APBB1: variants seen among roughly 807,000 people sequenced by gnomAD.
The protein encoded by APBB1 is amyloid beta precursor protein binding family B member 1, also known as adaptor protein FE65a2.
A neutral mutation model predicts 78.4 loss-of-function variants in APBB1; 22 were observed. That is an observed-to-expected ratio of 0.28 (90% CI 0.20 to 0.40). APBB1 has a LOEUF of 0.40. Among genes scored for constraint, APBB1 ranks in the 10% least tolerant of loss-of-function variants. The probability of loss-of-function intolerance (pLI) is 1.00; values close to 1 mark genes in which losing one functional copy is unlikely to be tolerated. For synonymous variants in APBB1, 369 were observed against 372.7 expected (o/e 0.99, Z 0.12); for missense variants, 749 against 932.4 (o/e 0.80, Z 2.56).
At chr11:6,400,903 G>T in intron 12 of APBB1, 86 bp downstream of exon 12, 1 of 1,241,152 alleles carries the variant, frequency 8.1e-7, no homozygotes, top group Middle Eastern at 1.9e-4. Flanking sequence ...AGGAAGGTCT[G>T]GTAGAAGAAG....
intron 1 of APBB1, among the ~76,000 whole-genome samples, chr11:6,412,534 G>A (rs1223507153): frequency 2.6e-5 from 4 of 152,074 alleles, no homozygotes; most frequent in Admixed American, 2.0e-4. Context: ...GGCTACCTCC[G>A]CCCCTCCTCA....
chr11:6,401,104 G>A lies in APBB1; in HGVS notation c.1589-32C>T, dbSNP rs775551746. Reference sequence around the variant, plus strand: ...GAAAGAAGAGAAGGTTGATCATGGTGGCAGACCTTGCTCACCCGCAGCCCC... The same window carrying A: ...GAAAGAAGAGAAGGTTGATCATGGTAGCAGACCTTGCTCACCCGCAGCCCC... On this transcript the variant is annotated intron_variant, in intron 11 of 14. Coordinates refer to ENST00000609360, the MANE Select transcript of APBB1 (RefSeq NM_001164.5). This position sits in a 1 kb window ranked among gnomAD's most constrained non-coding sequence, Gnocchi z 4.5. The A allele has an allele frequency of 1.2e-6, 2 of 1,614,092 alleles. No individual in the cohort carries two copies. The highest frequency in any genetic ancestry group is 4.5e-5 in the East Asian group (2 of 44,876).
At chr11:6,415,966 C>G in intron 1 of APBB1, among the ~76,000 whole-genome samples, 1 of 152,168 alleles carries the variant, frequency 6.6e-6, no homozygotes, top group Non-Finnish European at 1.5e-5. Context: ...AGAGAGTTGT[C>G]TCCACTCACT....
rs1848170924 is a variant in APBB1, at chr11:6,395,644, CTGGGAGGCAGGAGGTGG to C, written c.2006_2022del (p.Ser669CysfsTer5). 6.3e-7 allele frequency: 1 copy of C among 1,595,172 alleles called. No individual in the cohort carries two copies. Among genetic ancestry groups the C allele is most frequent in the South Asian group, 1.1e-5 (1 of 88,444 alleles). On this transcript the variant is annotated frameshift_variant, in exon 15 of 15. Transcript: ENST00000609360. LOFTEE classifies it high-confidence loss of function. This position sits in a 1 kb window ranked among gnomAD's most constrained non-coding sequence, Gnocchi z 5.2. ...CGTGCCACAGACTCAGCAGGGGGTG[CTGGGAGGCAGGAGGTGG>C]AGGCCTGGGAACGGGCATCCAGACA...
rs747475317 is a variant in APBB1 at position 6,401,840 on chromosome 11, G to A, written c.1388+137C>T. On this transcript the variant is annotated intron_variant, in intron 9 of 14. Transcript: ENST00000609360. The surrounding 1 kb of genome is among the most constrained non-coding windows in gnomAD (Gnocchi z 4.5). ...TAGGTGCTGCCTTCTTGGGGGGGAG[G>A]GGTAGACAGGCAAGCATGCTGAGGT... 1.1e-5 allele frequency: 16 copies of A among 1,424,966 alleles called. No individual in the cohort carries two copies. The highest frequency in any genetic ancestry group is 9.8e-5 in the African/African-American group (7 of 71,080). The allele number at this position is 1,424,966 out of a possible 1,614,324, so 88.3% of individuals were successfully genotyped here. A position where few individuals can be genotyped will look rare whatever the true frequency, so the allele number is the denominator to read the frequency against.
Position 6,403,339 on chromosome 11 carries a change from G to A in APBB1, c.1020C>T (p.Thr340=). 1 of 1,614,134 alleles carries A rather than the reference G, an allele frequency of 6.2e-7. No individual in the cohort carries two copies. Among genetic ancestry groups the A allele is most frequent in the Non-Finnish European group, 8.5e-7 (1 of 1,180,008 alleles). ...GLKEPEEGTL[T]FPAQSLSPEP... The stretch of plus-strand genomic sequence containing the variant: ...CTCACCTGAGGCTCTGAGCTGGGAA[G>A]GTCAACGTCCCCTCCTCAGGTTCCT... The change falls in exon 5 of 15, where the codon ACC becomes ACT. Residue 340 remains threonine (T), a synonymous_variant. Transcript: ENST00000609360. This position sits in a 1 kb window ranked among gnomAD's most constrained non-coding sequence, Gnocchi z 5.3.
At chr11:6,409,536 A>T (rs1441502004) in intron 2 of APBB1, among the ~76,000 whole-genome samples, 1 of 152,076 alleles carries the variant, frequency 6.6e-6, no homozygotes, top group African/African-American at 2.4e-5. Context: ...ATTTTTGTGT[A>T]TGTTTGAAAA....
chr11:6,401,161 G>T lies in APBB1; in HGVS notation c.1589-89C>A. On this transcript the variant is annotated intron_variant, in intron 11 of 14. Transcript: ENST00000609360. The surrounding 1 kb of genome is among the most constrained non-coding windows in gnomAD (Gnocchi z 4.5). ...AGGGCATAAGCTGGACACTTGCCCA[G>T]CCGAGGCCCTACTTTCATCTCGTCC... 6.2e-7 allele frequency: 1 copy of T among 1,613,252 alleles called. No individual in the cohort carries two copies. Among genetic ancestry groups the T allele is most frequent in the Non-Finnish European group, 8.5e-7 (1 of 1,179,566 alleles).
rs1238488976 is a variant in APBB1 at position 6,406,361 on chromosome 11, C to G, written c.722-2539G>C. Among the ~76,000 whole-genome samples, 2 of 152,130 alleles carry G rather than the reference C, an allele frequency of 1.3e-5. 1 individual carries two copies. The highest frequency in any genetic ancestry group is 1.3e-4 in the Admixed American group (2 of 15,276). ...ACTTAAAGCTTTCCCCTTCTCTCCA[C>G]CCCACATAACTAACATAGCCCAGGC... On this transcript the variant is annotated intron_variant, in intron 2 of 14. Coordinates refer to ENST00000609360, the MANE Select transcript of APBB1 (RefSeq NM_001164.5).
intron 2 of APBB1, 76 bp downstream of exon 2, chr11:6,410,551 C>T: frequency 7.5e-7 from 1 of 1,332,702 alleles, no homozygotes. Context: ...ATCAGGCTGG[C>T]ACTGGCCTCT....
Position 6,398,837 on chromosome 11 carries a change from G to A in APBB1, c.1672+2152C>T, listed in dbSNP as rs74767254. 3.6e-3 allele frequency among the ~76,000 whole-genome samples: 551 copies of A among 152,324 alleles called. 3 individuals are homozygous for A. The highest frequency in any genetic ancestry group is 0.012 in the African/African-American group (518 of 41,594). ...CCTCTTTCAATGTAAGATTTTGGAC[G>A]TGAAAGTCAGCACGGTATAAGGGAA... On this transcript the variant is annotated intron_variant, in intron 12 of 14. Coordinates refer to ENST00000609360, the MANE Select transcript of APBB1 (RefSeq NM_001164.5).
chr11:6,412,308 A>C (rs748489448), intron 1 of APBB1, among the ~76,000 whole-genome samples: 5 of 152,158 alleles, frequency 3.3e-5, no homozygotes, highest in Admixed American at 6.5e-5. Flanking sequence ...GCCCACCACC[A>C]CGCCCAGGTA....
At chr11:6,413,645 C>A (rs1028456323) in intron 1 of APBB1, among the ~76,000 whole-genome samples, 1 of 145,772 alleles carries the variant, frequency 6.9e-6, no homozygotes, top group Non-Finnish European at 1.5e-5. Flanking sequence ...TTTTTTTTTT[C>A]TTTTAAGTAG....
At position 6,410,688 on chromosome 11, in the gene APBB1, C is replaced by T; in HGVS notation, c.660G>A (p.Glu220=). The T allele has an allele frequency of 1.3e-6, 2 of 1,527,066 alleles. No homozygotes were observed. Among genetic ancestry groups the T allele is most frequent in the Non-Finnish European group, 1.8e-6 (2 of 1,137,846 alleles). The allele number at this position is 1,527,066 out of a possible 1,614,324, so 94.6% of individuals were successfully genotyped here. ...FGMRNSAASD[E]DSSWATLSQG... is the part of the protein sequence containing the mutation. The stretch of plus-strand genomic sequence containing the variant: ...GGGATAAGGTAGCCCAGCTTGAGTC[C>T]TCATCACTGGCTGCACTGTTCCGCA... Residue 220 remains glutamate (E), a synonymous_variant, in exon 2 of 15, where the codon GAG becomes GAA. Transcript: ENST00000609360.
chr11:6,409,071 CTGT>C (rs569817807), intron 2 of APBB1, among the ~76,000 whole-genome samples: 53 of 151,178 alleles, frequency 3.5e-4, no homozygotes, highest in African/African-American at 1.1e-3. Context: ...CAAAAGTAAA[CTGT>C]TGTTGTTGTT....
Position 6,402,549 on chromosome 11 carries a change from C to G in APBB1, c.1254+27G>C, listed in dbSNP as rs763680563. 6 of 1,608,678 alleles carry G rather than the reference C, an allele frequency of 3.7e-6. No homozygotes were observed. In the East Asian group the frequency reaches 1.3e-4, roughly 36 times the overall value. On this transcript the variant is annotated intron_variant, in intron 7 of 14. Coordinates refer to ENST00000609360, the MANE Select transcript of APBB1 (RefSeq NM_001164.5). The stretch of plus-strand genomic sequence containing the variant: ...TTCCCTTCACACTCTCACAGTACCA[C>G]CCCCTACCCCCGGCTCAGGTCCTTA...
intron 2 of APBB1, chr11:6,404,111 G>A: frequency 5.0e-6 from 2 of 401,944 alleles, no homozygotes; most frequent in Admixed American, 4.0e-5. Flanking sequence ...AATGAATGTT[G>A]GGTGACCCCA....
intron 2 of APBB1, among the ~76,000 whole-genome samples, chr11:6,408,001 G>A (rs1002300651): frequency 1.3e-5 from 2 of 151,640 alleles, no homozygotes; most frequent in African/African-American, 2.4e-5. Flanking sequence ...GTATGGTCTC[G>A]ATCTCCTGAC....
At chr11:6,400,634 G>T (rs1194775577) in intron 12 of APBB1, among the ~76,000 whole-genome samples, 1 of 152,116 alleles carries the variant, frequency 6.6e-6, no homozygotes. Context: ...CCCACAGCTG[G>T]TGCTGTAACA....
Sources: gnomAD v4.1 joint callset for allele counts (sites outside exome capture counted in the v4.1 genomes callset) on GRCh38, gnomAD v4.1.1 for gene constraint, Gnocchi (gnomAD v3.1) non-coding constraint, MANE v1.5 for transcripts, NCBI Gene and HGNC (gene_info 2026-07-23, HGNC 2026-07-21) for gene names.